Variants in SLC6A7 observed in about 807,000 individuals in gnomAD.
SLC6A7 encodes solute carrier family 6 member 7.
In SLC6A7, 58 loss-of-function variants were observed where a neutral mutation model predicts 73.1. The observed-to-expected ratio is 0.79, with a 90% confidence interval of 0.64 to 0.99. The LOEUF (loss-of-function observed/expected upper bound fraction) is 0.99, where lower values mean the gene tolerates loss of function less well. Ranked by LOEUF, SLC6A7 falls within the 50% of genes least tolerant of loss-of-function variation. The probability of loss-of-function intolerance (pLI) is 0.00; values close to 1 mark genes in which losing one functional copy is unlikely to be tolerated. For missense variants in SLC6A7, 783 were observed against 831.4 expected (o/e 0.94, Z 0.72); for synonymous variants, 338 against 338.7 (o/e 1.00, Z 0.02).
At chr5:150,193,477 G>A (rs1474989117) in intron 1 of SLC6A7, among the ~76,000 whole-genome samples, 1 of 152,178 alleles carries the variant, frequency 6.6e-6, no homozygotes, top group African/African-American at 2.4e-5. Context: ...CTTGCCTGGT[G>A]GGGTTTGACC....
At position 150,190,219 on chromosome 5, in the gene SLC6A7, C is replaced by A; in HGVS notation, c.-109C>A. 1 of 934,746 alleles carries A rather than the reference C, an allele frequency of 1.1e-6. No homozygotes were observed. The highest frequency in any genetic ancestry group is 1.6e-6 in the Non-Finnish European group (1 of 643,746). 57.9% of individuals were successfully genotyped at this position (934,746 alleles called of 1,614,324 possible). On this transcript the variant is annotated 5_prime_UTR_variant, in exon 1 of 14. Coordinates refer to ENST00000230671, the MANE Select transcript of SLC6A7 (RefSeq NM_014228.5). ...CGCCTGCGTCCGTGCCCGCCCCAGC[C>A]GGTGCGCGGGAGCCGCGGGGGCAAA...
chr5:150,198,087 GAAA>G lies in SLC6A7; in HGVS notation c.584+812_584+814del, dbSNP rs1164841985. On this transcript the variant is annotated intron_variant, in intron 4 of 13. Transcript: ENST00000230671. ...AGAAAGAAAGAAAGAAAGAAAGAAAGAAAGAAAGAAAGAAAGAAAGAAAGAAAG... is the reference window on the plus strand; with the variant it reads ...AGAAAGAAAGAAAGAAAGAAAGAAAGGAAAGAAAGAAAGAAAGAAAGAAAG... 1.4e-3 allele frequency among the ~76,000 whole-genome samples: 146 copies of G among 103,348 alleles called. 6 individuals carry two copies. The highest frequency in any genetic ancestry group is 4.8e-4 in the Non-Finnish European group (22 of 46,020). 67.8% of individuals were successfully genotyped at this position (103,348 alleles called of 152,430 possible). A position where few individuals can be genotyped will look rare whatever the true frequency, so the allele number is the denominator to read the frequency against.
chr5:150,206,829 A>C (rs1286419943), intron 13 of SLC6A7, among the ~76,000 whole-genome samples: 1 of 152,182 alleles, frequency 6.6e-6, no homozygotes, highest in African/African-American at 2.4e-5. Context: ...GCTCCCAGGA[A>C]GCTCATGGTC....
intron 8 of SLC6A7, among the ~76,000 whole-genome samples, chr5:150,202,934 G>A (rs1263932195): frequency 1.3e-5 from 2 of 152,166 alleles, no homozygotes. Context: ...AAGTAGCCGG[G>A]CGTGGTGGCA....
intron 2 of SLC6A7, among the ~76,000 whole-genome samples, chr5:150,196,200 G>C (rs1753010571): frequency 6.6e-6 from 1 of 152,200 alleles, no homozygotes; most frequent in Admixed American, 6.5e-5. Context: ...CTAGGAGGGG[G>C]TTGGTTGATG....
Position 150,204,523 on chromosome 5 carries a change from G to C in SLC6A7, c.1333-9G>C. On this transcript the variant is annotated splice_polypyrimidine_tract_variant and intron_variant, in intron 10 of 13. Transcript: ENST00000230671. Reference sequence around the variant, plus strand: ...GGAAGGGGACACCAGAACTGTGCTTGTGTTTTAGGGGGGCATGTACTGGCT... The same window carrying C: ...GGAAGGGGACACCAGAACTGTGCTTCTGTTTTAGGGGGGCATGTACTGGCT... 6.2e-7 allele frequency: 1 copy of C among 1,608,314 alleles called. No homozygotes were observed. The highest frequency in any genetic ancestry group is 8.5e-7 in the Non-Finnish European group (1 of 1,174,610).
intron 12 of SLC6A7, among the ~76,000 whole-genome samples, 172 bp downstream of exon 12, chr5:150,205,099 T>C (rs1304858629): frequency 6.6e-6 from 1 of 152,220 alleles, no homozygotes; most frequent in African/African-American, 2.4e-5. Context: ...TCTGTAGCTG[T>C]GCTGGGCCTG....
chr5:150,200,549 G>A (rs1195570872), intron 5 of SLC6A7, among the ~76,000 whole-genome samples: 2 of 152,188 alleles, frequency 1.3e-5, no homozygotes, highest in South Asian at 2.1e-4. Flanking sequence ...CCAATCATTG[G>A]TAAATCAGAA....
At position 150,209,617 on chromosome 5, in the gene SLC6A7, G is replaced by T; in HGVS notation, c.*2G>T. ...GAGGAGGAGGAGTCGATGATGTGAGGCAGGAGGCAGGCGGGCAGAAGGCCC... is the reference window on the plus strand; with the variant it reads ...GAGGAGGAGGAGTCGATGATGTGAGTCAGGAGGCAGGCGGGCAGAAGGCCC... On this transcript the variant is annotated 3_prime_UTR_variant, in exon 14 of 14. Transcript: ENST00000230671. The T allele has an allele frequency of 6.3e-7, 1 of 1,589,686 alleles. No homozygotes were observed. The highest frequency in any genetic ancestry group is 8.6e-7 in the Non-Finnish European group (1 of 1,167,118).
At position 150,203,676 on chromosome 5, in the gene SLC6A7, TGG is replaced by T; in HGVS notation, c.1098_1099del (p.Ala367LeufsTer32). 6.2e-7 allele frequency: 1 copy of T among 1,605,656 alleles called. No individual in the cohort carries two copies. The highest frequency in any genetic ancestry group is 2.2e-5 in the East Asian group (1 of 44,834). On this transcript the variant is annotated frameshift_variant, in exon 9 of 14. Coordinates refer to ENST00000230671, the MANE Select transcript of SLC6A7 (RefSeq NM_014228.5). LOFTEE classifies it high-confidence loss of function. ...TGTGCCCCTGGCCCAGGCCCTGGCC[TGG>T]CCTTTGTCGTCTACCCACAGGCCAT...
At chr5:150,199,630 A>G (rs891352889) in intron 5 of SLC6A7, among the ~76,000 whole-genome samples, 14 of 152,194 alleles carry the variant, frequency 9.2e-5, no homozygotes, top group African/African-American at 3.4e-4. Context: ...AGTGCTTGGC[A>G]CTTTGAATGA....
In SLC6A7 at chr5:150,204,896, G is replaced by A; in HGVS notation, c.1502G>A (p.Cys501Tyr). 1 of 1,609,808 alleles carries A rather than the reference G, an allele frequency of 6.2e-7. No homozygotes were observed. Among genetic ancestry groups the A allele is most frequent in the Non-Finnish European group, 8.5e-7 (1 of 1,176,168 alleles). ...AAGCCGGGCCTCTACTTCAGGGCCTGCTGGCTGTTCCTGTCCCCAGCCACG... is the reference window on the plus strand; with the variant it reads ...AAGCCGGGCCTCTACTTCAGGGCCTACTGGCTGTTCCTGTCCCCAGCCACG... ...GFKPGLYFRA[C>Y]WLFLSPATLL... is the part of the protein sequence containing the mutation. The change falls in exon 12 of 14, where the codon TGC becomes TAC. Residue 501 changes from cysteine to tyrosine, a missense_variant. Cys to Tyr is a radical substitution (Grantham distance 194). Coordinates refer to ENST00000230671, the MANE Select transcript of SLC6A7 (RefSeq NM_014228.5).
chr5:150,204,744 G>T (rs1451744365), intron 11 of SLC6A7, 83 bp from the exon 12 acceptor site: 1 of 1,327,494 alleles, frequency 7.5e-7, no homozygotes, highest in Non-Finnish European at 1.1e-6. Flanking sequence ...GGTTTCCAGT[G>T]GGGGCAGCTG....
At chr5:150,203,387 G>A (rs1753492500) in intron 8 of SLC6A7, among the ~76,000 whole-genome samples, 1 of 152,056 alleles carries the variant, frequency 6.6e-6, no homozygotes, top group Non-Finnish European at 1.5e-5. Context: ...TGTGTTAGTG[G>A]GGTTATTTGT....
rs1562085382 is a variant in SLC6A7 at position 150,198,105 on chromosome 5, AAGAAAGAAAG to A, written c.584+841_584+850del. Among the ~76,000 whole-genome samples, 517 of 103,196 alleles carry A rather than the reference AAGAAAGAAAG, an allele frequency of 5.0e-3. 2 individuals carry two copies. The highest frequency in any genetic ancestry group is 0.014 in the African/African-American group (409 of 28,490). The allele number at this position is 103,196 out of a possible 152,430, so 67.7% of individuals were successfully genotyped here. On this transcript the variant is annotated intron_variant, in intron 4 of 13. Coordinates refer to ENST00000230671, the MANE Select transcript of SLC6A7 (RefSeq NM_014228.5). ...AAAGAAAGAAAGAAAGAAAGAAAGAAAGAAAGAAAGAGAAAGAAAGAAAGAAAGAAAGAAA... is the reference window on the plus strand; with the variant it reads ...AAAGAAAGAAAGAAAGAAAGAAAGAAAGAAAGAAAGAAAGAAAGAAAGAAA...
In SLC6A7 at chr5:150,190,348, TC is replaced by T; in HGVS notation, c.22del (p.His8ThrfsTer11). On this transcript the variant is annotated frameshift_variant, in exon 1 of 14. Coordinates refer to ENST00000230671, the MANE Select transcript of SLC6A7 (RefSeq NM_014228.5). LOFTEE classifies it high-confidence loss of function. The stretch of plus-strand genomic sequence containing the variant: ...CCAAGATGAAGAAGCTCCAGGGAGC[TC>T]ACCTCCGCAAGGTAGGGCACGAGGG... MKKLQGA[H>X]LRKPVTPDLL... is the part of the protein sequence containing the mutation. 4.0e-6 allele frequency: 6 copies of T among 1,506,192 alleles called. No homozygotes were observed. Among genetic ancestry groups the T allele is most frequent in the Non-Finnish European group, 5.3e-6 (6 of 1,128,778 alleles). 93.3% of individuals were successfully genotyped at this position (1,506,192 alleles called of 1,614,324 possible). A position where few individuals can be genotyped will look rare whatever the true frequency, so the allele number is the denominator to read the frequency against.
At chr5:150,202,813 G>A (rs1753459023) in intron 8 of SLC6A7, 110 bp downstream of exon 8, 2 of 1,206,498 alleles carry the variant, frequency 1.7e-6, no homozygotes, top group Non-Finnish European at 2.3e-6. Context: ...GGTGGCTCAT[G>A]CCTGTGATCC....
intron 13 of SLC6A7, among the ~76,000 whole-genome samples, chr5:150,207,178 T>C (rs1170075297): frequency 6.6e-6 from 1 of 152,168 alleles, no homozygotes; most frequent in African/African-American, 2.4e-5. Flanking sequence ...TGAGACAGAG[T>C]GTTGCTCTGT....
At chr5:150,195,079 T>G in intron 2 of SLC6A7, 168 bp downstream of exon 2, 1 of 580,846 alleles carries the variant, frequency 1.7e-6, no homozygotes, top group Non-Finnish European at 3.1e-6. Flanking sequence ...GTTTACCCTG[T>G]CTTGTCCTTC....
Sources: allele counts gnomAD v4.1 joint callset (sites outside exome capture counted in the v4.1 genomes callset), GRCh38; gene constraint gnomAD v4.1.1; transcripts MANE v1.5; gene names NCBI Gene and HGNC (gene_info 2026-07-23, HGNC 2026-07-21).